SPMAP2: variants seen among roughly 807,000 people sequenced by gnomAD.
SPMAP2 encodes the protein sperm microtubule associated protein 2.
At chr19:362,114 G>A in the SPMAP2 span, 16 of 1,036,354 alleles carry the variant, frequency 1.5e-5, no homozygotes, top group East Asian at 1.1e-4. Flanking sequence ...CTTCTAGCCC[G>A]CCCTCCCTTC....
the SPMAP2 span, among the ~76,000 whole-genome samples, chr19:369,226 T>G: frequency 2.6e-5 from 4 of 152,084 alleles, no homozygotes; most frequent in Non-Finnish European, 4.4e-5. Context: ...TAGAAGTTAA[T>G]GCCACGCGAG....
At chr19:363,608 G>A in the SPMAP2 span, among the ~76,000 whole-genome samples, 7 of 151,314 alleles carry the variant, frequency 4.6e-5, no homozygotes, top group Middle Eastern at 3.3e-3. Flanking sequence ...ACCTTGACTC[G>A]CTGTAACCTC....
chr19:366,971 A>G, the SPMAP2 span: 3 of 1,334,326 alleles, frequency 2.2e-6, no homozygotes, highest in Admixed American at 5.2e-5. Flanking sequence ...CATGGGGGAG[A>G]GCTTCCCTCT....
the SPMAP2 span, among the ~76,000 whole-genome samples, chr19:368,433 G>A: frequency 6.7e-6 from 1 of 150,090 alleles, no homozygotes; most frequent in Admixed American, 6.6e-5. The surrounding 1 kb of genome is among the most constrained non-coding windows in gnomAD (Gnocchi z 4.1). Context: ...TCCCACTTAT[G>A]CTTTGCTGGA....
chr19:370,961 G>A, the SPMAP2 span, among the ~76,000 whole-genome samples: 1 of 152,224 alleles, frequency 6.6e-6, no homozygotes, highest in Non-Finnish European at 1.5e-5. Context: ...AGATAAGACT[G>A]TTCTAATTCC....
chr19:373,652 G>GT, the SPMAP2 span: 5 of 921,650 alleles, frequency 5.4e-6, no homozygotes, highest in Non-Finnish European at 6.8e-6. Flanking sequence ...GGGAGAGGGG[G>GT]TAGGCCAGAG....
At chr19:373,465 C>T in the SPMAP2 span, 18 of 1,612,980 alleles carry the variant, frequency 1.1e-5, no homozygotes, top group African/African-American at 4.0e-5. Flanking sequence ...ACGGGCTCCA[C>T]CTACCGGGCA....
At chr19:372,824 T>C in the SPMAP2 span, 9 of 894,668 alleles carry the variant, frequency 1.0e-5, no homozygotes, top group Admixed American at 2.1e-5. Flanking sequence ...GGAAGAACTG[T>C]GGGCAGAGAC....
At chr19:370,849 G>A in the SPMAP2 span, among the ~76,000 whole-genome samples, 9 of 81,416 alleles carry the variant, frequency 1.1e-4, no homozygotes, top group East Asian at 3.2e-4. Context: ...TCAGACTTTC[G>A]GAAAAGCAAA....
At chr19:370,182 C>T in the SPMAP2 span, among the ~76,000 whole-genome samples, 18 of 152,282 alleles carry the variant, frequency 1.2e-4, no homozygotes, top group South Asian at 1.0e-3. Flanking sequence ...AGCTCAATCC[C>T]GGCCCAGAGA....
chr19:370,549 A>C, the SPMAP2 span, among the ~76,000 whole-genome samples: 1 of 147,594 alleles, frequency 6.8e-6, no homozygotes, highest in African/African-American at 2.5e-5. Flanking sequence ...ACAGGGTTTC[A>C]CCATGTTAGC....
the SPMAP2 span, chr19:372,694 G>C: frequency 1.2e-6 from 2 of 1,614,024 alleles, no homozygotes; most frequent in Admixed American, 3.3e-5. Context: ...CACGCGGCGG[G>C]ACACCGCTAT....
the SPMAP2 span, chr19:362,160 G>C: frequency 7.0e-7 from 1 of 1,425,766 alleles, no homozygotes; most frequent in Non-Finnish European, 9.3e-7. Flanking sequence ...CACATACACA[G>C]GGTTAGGGTG....
chr19:362,597 G>A, the SPMAP2 span, among the ~76,000 whole-genome samples: 4 of 151,786 alleles, frequency 2.6e-5, no homozygotes, highest in Non-Finnish European at 4.4e-5. Context: ...ATGAAACCTC[G>A]TCTCTACTAA....
At chr19:374,672 C>A in the SPMAP2 span, 2 of 538,266 alleles carry the variant, frequency 3.7e-6, no homozygotes, top group Middle Eastern at 5.1e-4. Context: ...TCAGCTTCCT[C>A]CTCTGTGAAT....
At chr19:365,587 GTGAGCACATA>G in the SPMAP2 span, among the ~76,000 whole-genome samples, 1 of 106,366 alleles carries the variant, frequency 9.4e-6, no homozygotes, top group African/African-American at 3.4e-5. Flanking sequence ...CACAGCAAGT[GTGAGCACATA>G]CAGCCACACT....
chr19:374,636 T>A, the SPMAP2 span: 1 of 600,790 alleles, frequency 1.7e-6, no homozygotes, highest in Non-Finnish European at 2.9e-6. Flanking sequence ...GGAAGACCCG[T>A]CCAGGTCACC....
chr19:367,249 G>A, the SPMAP2 span: 4 of 1,570,242 alleles, frequency 2.5e-6, no homozygotes, highest in African/African-American at 4.1e-5. Flanking sequence ...AGAGAGAAGG[G>A]TTACGTGAAA....
At chr19:364,708 TC>T in the SPMAP2 span, among the ~76,000 whole-genome samples, 1 of 152,096 alleles carries the variant, frequency 6.6e-6, no homozygotes, top group Non-Finnish European at 1.5e-5. Context: ...CATGTCTTGC[TC>T]CCTGGTGGCT....
Sources: gnomAD v4.1 joint callset for allele counts (sites outside exome capture counted in the v4.1 genomes callset) on GRCh38, gnomAD v4.1.1 for gene constraint, Gnocchi (gnomAD v3.1) non-coding constraint, MANE v1.5 for transcripts, NCBI Gene and HGNC (gene_info 2026-07-23, HGNC 2026-07-21) for gene names.